Variants in SAG observed in about 807,000 individuals in gnomAD.
The protein encoded by SAG is S-antigen visual arrestin.
Under a neutral mutation model 55.0 loss-of-function variants are expected in SAG, and 45 were observed. That is an observed-to-expected ratio of 0.82 (90% CI 0.64 to 1.05). The LOEUF is 1.05. Ranked by LOEUF, SAG falls within the 50% of genes least tolerant of loss-of-function variation. SAG has a pLI of 0.00. For missense variants in SAG, 455 were observed against 512.1 expected (o/e 0.89, Z 1.08); for synonymous variants, 189 against 197.4 (o/e 0.96, Z 0.36).
At chr2:233,320,509 C>T in intron 4 of SAG, 121 bp from the exon 5 acceptor site, 1 of 714,488 alleles carries the variant, frequency 1.4e-6, no homozygotes, top group East Asian at 3.0e-5. Flanking sequence ...TCTCTCCAAT[C>T]CCAGCCCCTA....
intron 5 of SAG, among the ~76,000 whole-genome samples, chr2:233,321,992 CA>C: frequency 4.9e-5 from 1 of 20,230 alleles, no homozygotes; most frequent in South Asian, 1.9e-3. Context: ...AAAATACACA[CA>C]CACACACACA....
At chr2:233,345,945 A>G (rs1701241985) in intron 14 of SAG, 1 of 152,824 alleles carries the variant, frequency 6.5e-6, no homozygotes, top group African/African-American at 2.4e-5. Context: ...TGAGGTCAGG[A>G]GTTTGAGACC....
intron 6 of SAG, among the ~76,000 whole-genome samples, chr2:233,324,491 G>T (rs1282119329): frequency 6.6e-6 from 1 of 152,216 alleles, no homozygotes; most frequent in African/African-American, 2.4e-5. Context: ...ATGTTGTAGA[G>T]ACTTGAGTTT....
chr2:233,328,700 A>G (rs1700652575), intron 8 of SAG, 87 bp downstream of exon 8: 12 of 1,386,448 alleles, frequency 8.7e-6, no homozygotes, highest in Non-Finnish European at 1.2e-5. Context: ...CCAGCCCTTA[A>G]CTACATGGGT....
At chr2:233,328,820 G>A (rs1700656051) in intron 8 of SAG, 4 of 523,558 alleles carry the variant, frequency 7.6e-6, no homozygotes, top group Non-Finnish European at 3.2e-6. Context: ...GGACGGAACT[G>A]GCTTGCGTTC....
At chr2:233,311,375 G>A (rs1700071300) in intron 2 of SAG, among the ~76,000 whole-genome samples, 1 of 152,140 alleles carries the variant, frequency 6.6e-6, no homozygotes, top group South Asian at 2.1e-4. Flanking sequence ...GTAAGGGTCA[G>A]GAAATCTTTC....
intron 10 of SAG, chr2:233,334,520 A>T (rs1329729140): frequency 6.3e-6 from 1 of 158,522 alleles, no homozygotes; most frequent in Non-Finnish European, 1.4e-5. Context: ...CCTCTAGACA[A>T]CTTACCACAC....
chr2:233,328,669 A>C (rs1574942753), intron 8 of SAG, 56 bp downstream of exon 8: 1 of 1,539,180 alleles, frequency 6.5e-7, no homozygotes, highest in Non-Finnish European at 8.8e-7. Flanking sequence ...GGCAGGCCCC[A>C]CACCCCTCTC....
At chr2:233,324,064 G>A (rs1195235183) in intron 6 of SAG, among the ~76,000 whole-genome samples, 1 of 152,108 alleles carries the variant, frequency 6.6e-6, no homozygotes, top group Non-Finnish European at 1.5e-5. Flanking sequence ...TGTTCCGGGG[G>A]CAGTGAGGAG....
intron 14 of SAG, 76 bp downstream of exon 14, chr2:233,342,402 T>A: frequency 8.3e-7 from 1 of 1,206,554 alleles, no homozygotes; most frequent in Non-Finnish European, 1.2e-6. Flanking sequence ...TTCTAGTCTT[T>A]CTTGACCGCA....
chr2:233,328,326 C>T, intron 7 of SAG, 152 bp from the exon 8 acceptor site: 1 of 866,572 alleles, frequency 1.2e-6, no homozygotes, highest in Non-Finnish European at 1.7e-6. Flanking sequence ...CTGCCTCAGG[C>T]TCTGACCAGT....
At chr2:233,337,819 C>A (rs144936161) in intron 11 of SAG, among the ~76,000 whole-genome samples, 1 of 152,192 alleles carries the variant, frequency 6.6e-6, no homozygotes, top group African/African-American at 2.4e-5. Flanking sequence ...TTTTTCATAT[C>A]TTAATTCCTG....
chr2:233,316,126 C>A lies in SAG; in HGVS notation c.127C>A (p.Gln43Lys). Residue 43 changes from glutamine (Q) to lysine (K), a missense_variant, in exon 3 of 16, where the codon CAG (glutamine) becomes AAG (lysine). Gln to Lys is a moderately conservative substitution (Grantham distance 53). Coordinates refer to ENST00000409110, the MANE Select transcript of SAG (RefSeq NM_000541.5). ...RDYIDHVSQV[Q>K]PVDGVVLVDP... ...CTACATAGACCATGTCAGCCAAGTC[C>A]AGCCTGTGGGTAAGTTGCTTGGAGA... 2 of 1,590,248 alleles carry A rather than the reference C, an allele frequency of 1.3e-6. No homozygotes were observed. The highest frequency in any genetic ancestry group is 1.7e-6 in the Non-Finnish European group (2 of 1,163,536).
At chr2:233,317,219 G>A (rs115384367) in intron 3 of SAG, among the ~76,000 whole-genome samples, 179 of 152,270 alleles carry the variant, frequency 1.2e-3, no homozygotes, top group African/African-American at 4.1e-3. Context: ...TTGCATCCCG[G>A]GCACTTATCT....
At position 233,346,863 on chromosome 2, in the gene SAG, CAGG is replaced by C. The variant is rs1701268595; in HGVS notation, c.1172_1174del (p.Gly391del). On this transcript the variant is annotated inframe_deletion, in exon 16 of 16. Transcript: ENST00000409110. ...TTTGCTCGCCATAATCTGAAAGATGCAGGAGAAGCTGAGGAGGGGAAGAGAGAC... is the reference window on the plus strand; with the variant it reads ...TTTGCTCGCCATAATCTGAAAGATGCAGAAGCTGAGGAGGGGAAGAGAGAC... The C allele has an allele frequency of 6.2e-7, 1 of 1,612,546 alleles. No homozygotes were observed. Among genetic ancestry groups the C allele is most frequent in the Non-Finnish European group, 8.5e-7 (1 of 1,178,992 alleles).
Position 233,340,781 on chromosome 2 carries a change from T to G in SAG, c.1046+303T>G, listed in dbSNP as rs933242026. Among the ~76,000 whole-genome samples the G allele has an allele frequency of 1.3e-5, 2 of 152,054 alleles. No homozygotes were observed. Among genetic ancestry groups the G allele is most frequent in the Non-Finnish European group, 2.9e-5 (2 of 68,026 alleles). On this transcript the variant is annotated intron_variant, in intron 13 of 15. Coordinates refer to ENST00000409110, the MANE Select transcript of SAG (RefSeq NM_000541.5). The surrounding 1 kb of genome is among the most constrained non-coding windows in gnomAD (Gnocchi z 4.2). Reference sequence around the variant, plus strand: ...TGTGTGTGTGTGTGTTTGTGTGCGGTAAAATACACATAACATAAATTTTAC... The same window carrying G: ...TGTGTGTGTGTGTGTTTGTGTGCGGGAAAATACACATAACATAAATTTTAC...
intron 2 of SAG, among the ~76,000 whole-genome samples, chr2:233,314,561 ACTCG>A (rs989773663): frequency 6.6e-6 from 1 of 152,112 alleles, no homozygotes; most frequent in African/African-American, 2.4e-5. Flanking sequence ...GGAAGCTGGG[ACTCG>A]CTGCAGCAAC....
chr2:233,310,709 G>A (rs889099964), intron 2 of SAG, among the ~76,000 whole-genome samples: 1 of 151,976 alleles, frequency 6.6e-6, no homozygotes, highest in African/African-American at 2.4e-5. Context: ...GTTTCACCAT[G>A]TTGGCCAAGC....
At chr2:233,320,925 A>C in intron 5 of SAG, 102 bp downstream of exon 5, 1 of 1,011,438 alleles carries the variant, frequency 9.9e-7, no homozygotes, top group Non-Finnish European at 1.4e-6. Flanking sequence ...TCACATCTGC[A>C]GGCCTGGAAA....
Sources: allele counts gnomAD v4.1 joint callset (sites outside exome capture counted in the v4.1 genomes callset), GRCh38; gene constraint gnomAD v4.1.1; non-coding constraint Gnocchi (gnomAD v3.1); transcripts MANE v1.5; gene names NCBI Gene and HGNC (gene_info 2026-07-23, HGNC 2026-07-21).